The following COL15A1 variants were observed in gnomAD, a reference collection of about 807,000 sequenced individuals.
The protein encoded by COL15A1 is collagen alpha-1(XV) chain.
COL15A1 carries 111 observed loss-of-function variants against 165.9 expected under a neutral mutation model. The observed-to-expected ratio is 0.67, with a 90% CI of 0.57 to 0.78. The LOEUF is 0.78. Ranked by LOEUF, COL15A1 falls within the 30% of genes least tolerant of loss-of-function variation. COL15A1 has a pLI of 0.00. For missense variants in COL15A1, 1,745 were observed against 1,789.7 expected, an observed-to-expected ratio of 0.98 and a Z score of 0.45; for synonymous variants, 659 against 674.8, an observed-to-expected ratio of 0.98 and a Z score of 0.36.
At chr9:98,991,660 A>G (rs1428114467) in intron 5 of COL15A1, among the ~76,000 whole-genome samples, 11 of 123,554 alleles carry the variant, frequency 8.9e-5, no homozygotes, top group South Asian at 2.7e-4. Context: ...GTGCCGATTG[A>G]TGCATTTACA....
In COL15A1 at chr9:99,067,081, T is replaced by C. The variant is rs1000710980; in HGVS notation, c.3837+14T>C. On this transcript the variant is annotated intron_variant, in intron 40 of 41. Transcript: ENST00000375001. ...GTGAACCTCAAGGTAAAAATAAATA[T>C]GGTTCCCATTGCCTTCTGCATGCAT... 1.2e-6 allele frequency: 2 copies of C among 1,606,512 alleles called. No individual in the cohort carries two copies. The highest frequency in any genetic ancestry group is 1.7e-6 in the Non-Finnish European group (2 of 1,175,440).
In COL15A1 at chr9:99,038,705, C is replaced by A; in HGVS notation, c.2447C>A (p.Ser816Ter). Residue 816 changes from serine (S) to a stop codon, truncating the protein, a stop_gained, in exon 22 of 42, where the codon TCG (serine) becomes TAG (stop). Coordinates refer to ENST00000375001, the MANE Select transcript of COL15A1 (RefSeq NM_001855.5). LOFTEE classifies it high-confidence loss of function. ...INITHGFMNF[S>*]DIPELVGPPG... ...ATCACCCATGGATTCATGAATTTCT[C>A]GGACATTCCTGAGCTGGTGGGGCCT... The A allele has an allele frequency of 6.2e-7, 1 of 1,611,226 alleles. No individual in the cohort carries two copies. Among genetic ancestry groups the A allele is most frequent in the Non-Finnish European group, 8.5e-7 (1 of 1,177,386 alleles).
chr9:99,058,117 C>T (rs1238198333), intron 35 of COL15A1, among the ~76,000 whole-genome samples: 1 of 152,206 alleles, frequency 6.6e-6, no homozygotes, highest in Non-Finnish European at 1.5e-5. Flanking sequence ...CACGCTTCCT[C>T]ACCACAAACC....
At chr9:99,040,804 C>T in intron 23 of COL15A1, 1 of 577,784 alleles carries the variant, frequency 1.7e-6, no homozygotes, top group Non-Finnish European at 3.0e-6. Flanking sequence ...CAAGCATGAG[C>T]CCCTGAGCCT....
intron 8 of COL15A1, 23 bp from the exon 9 acceptor site, chr9:99,004,875 G>T (rs573694574): frequency 1.4e-5 from 23 of 1,613,928 alleles, no homozygotes; most frequent in Non-Finnish European, 1.9e-5. Context: ...CACTGACGCG[G>T]TTCCTGTTGA....
At chr9:99,001,660 G>T (rs1016742617) in intron 7 of COL15A1, among the ~76,000 whole-genome samples, 15 of 152,148 alleles carry the variant, frequency 9.9e-5, no homozygotes, top group Non-Finnish European at 2.1e-4. Flanking sequence ...CATGGTTAGG[G>T]GTTTCCTCTC....
At chr9:98,956,081 G>A (rs1294832591) in intron 2 of COL15A1, among the ~76,000 whole-genome samples, 1 of 152,228 alleles carries the variant, frequency 6.6e-6, no homozygotes, top group East Asian at 1.9e-4. Flanking sequence ...CAAGGCAGAT[G>A]GATCACCTGA....
At chr9:99,000,000 A>T (rs1463209574) in intron 6 of COL15A1, among the ~76,000 whole-genome samples, 1 of 151,890 alleles carries the variant, frequency 6.6e-6, no homozygotes, top group Non-Finnish European at 1.5e-5. Context: ...CCTCCCAAGT[A>T]GCTGGGGTTA....
chr9:98,976,408 C>G (rs932546777), intron 2 of COL15A1, among the ~76,000 whole-genome samples: 13 of 152,206 alleles, frequency 8.5e-5, no homozygotes, highest in African/African-American at 3.1e-4. Flanking sequence ...GACTAGCTGG[C>G]CCAAGGTCAC....
intron 36 of COL15A1, among the ~76,000 whole-genome samples, chr9:99,060,812 C>T (rs1452998848): frequency 6.6e-6 from 1 of 151,946 alleles, no homozygotes; most frequent in Non-Finnish European, 1.5e-5. Context: ...CCTGGGAAGT[C>T]GAGGCTCCAG....
At chr9:99,022,044 G>C (rs751811396) in intron 12 of COL15A1, 47 bp from the exon 13 acceptor site, 9 of 1,610,076 alleles carry the variant, frequency 5.6e-6, no homozygotes, top group Non-Finnish European at 7.6e-6. Context: ...TGGGGAGATG[G>C]TAGGAACAGA....
At chr9:99,012,553 A>G (rs1168607533) in intron 9 of COL15A1, among the ~76,000 whole-genome samples, 1 of 152,106 alleles carries the variant, frequency 6.6e-6, no homozygotes, top group Admixed American at 6.6e-5. Context: ...TGGGCTCTGA[A>G]TTTTTCTTGC....
At chr9:99,009,446 G>A (rs1838813197) in intron 9 of COL15A1, among the ~76,000 whole-genome samples, 1 of 152,182 alleles carries the variant, frequency 6.6e-6, no homozygotes, top group Non-Finnish European at 1.5e-5. Flanking sequence ...AATACTTCCT[G>A]TATGATTTTA....
At chr9:98,944,313 G>A in intron 2 of COL15A1, 63 bp downstream of exon 2, 7 of 1,498,932 alleles carry the variant, frequency 4.7e-6, no homozygotes, top group Non-Finnish European at 5.5e-6. Flanking sequence ...AGTCGGTTTT[G>A]GCGGCGGACG....
intron 2 of COL15A1, among the ~76,000 whole-genome samples, chr9:98,950,063 A>G (rs1221121242): frequency 6.6e-6 from 1 of 152,204 alleles, no homozygotes; most frequent in Non-Finnish European, 1.5e-5. Context: ...GTATGTATAT[A>G]CCAAATTTTG....
At chr9:98,990,862 C>A (rs901780666) in intron 5 of COL15A1, among the ~76,000 whole-genome samples, 1 of 152,152 alleles carries the variant, frequency 6.6e-6, no homozygotes, top group African/African-American at 2.4e-5. Context: ...AACCACGGAC[C>A]CTCGCGGTGA....
intron 5 of COL15A1, among the ~76,000 whole-genome samples, chr9:98,991,735 T>C (rs1838435647): frequency 6.6e-6 from 1 of 152,308 alleles, no homozygotes; most frequent in Admixed American, 6.5e-5. Flanking sequence ...AGAGAACTAA[T>C]TGGTGCGTTT....
Position 99,065,859 on chromosome 9 carries a change from T to G in COL15A1, c.3652-1023T>G, listed in dbSNP as rs115093777. On this transcript the variant is annotated intron_variant, in intron 39 of 41. Coordinates refer to ENST00000375001, the MANE Select transcript of COL15A1 (RefSeq NM_001855.5). Reference sequence around the variant, plus strand: ...TAGCTCATGGCCAGTTGTGGCCAACTGGCTGGAAGCTGGAGAAGCAGAAGA... The same window carrying G: ...TAGCTCATGGCCAGTTGTGGCCAACGGGCTGGAAGCTGGAGAAGCAGAAGA... 7.7e-3 allele frequency among the ~76,000 whole-genome samples: 1,170 copies of G among 151,516 alleles called. 12 individuals are homozygous for G. The highest frequency in any genetic ancestry group is 0.024 in the African/African-American group (999 of 41,228).
intron 16 of COL15A1, among the ~76,000 whole-genome samples, chr9:99,027,361 G>A (rs1369849542): frequency 6.6e-6 from 1 of 152,206 alleles, no homozygotes; most frequent in African/African-American, 2.4e-5. Context: ...CAGCTCTGGA[G>A]TATGTTTATT....
Sources: allele counts gnomAD v4.1 joint callset (sites outside exome capture counted in the v4.1 genomes callset), GRCh38; gene constraint gnomAD v4.1.1; transcripts MANE v1.5; gene names NCBI Gene and HGNC (gene_info 2026-07-23, HGNC 2026-07-21).